The following CROCC variants were observed in gnomAD, a reference collection of about 807,000 sequenced individuals.
The protein encoded by CROCC is ciliary rootlet coiled-coil, rootletin.
In CROCC, 180 loss-of-function variants were observed where a neutral mutation model predicts 245.2. That is an observed-to-expected ratio of 0.73 (90% CI 0.65 to 0.83). The LOEUF (loss-of-function observed/expected upper bound fraction) is 0.83, where lower values mean the gene tolerates loss of function less well. Among genes scored for constraint, CROCC ranks in the 40% least tolerant of loss-of-function variants. The pLI is 0.00. For synonymous variants in CROCC, 1,205 were observed against 1,241.6 expected, an observed-to-expected ratio of 0.97 and a Z score of 0.62; for missense variants, 2,688 against 2,779.4, an observed-to-expected ratio of 0.97 and a Z score of 0.74.
intron 20 of CROCC, among the ~76,000 whole-genome samples, chr1:16,952,472 A>G (rs1045468889): frequency 7.3e-5 from 11 of 151,538 alleles, no homozygotes; most frequent in African/African-American, 2.4e-4. Context: ...GTGACAGAGC[A>G]AGACTCCGTC....
Position 16,955,517 on chromosome 1 carries a change from C to G in CROCC, c.3671C>G (p.Ser1224Cys), listed in dbSNP as rs1452039339. Residue 1224 changes from serine (S) to cysteine (C), a missense_variant, in exon 24 of 37, where the codon TCT becomes TGT. Physicochemically the swap from Ser to Cys is moderately radical, Grantham distance 112 (BLOSUM62 -1). Coordinates refer to ENST00000375541, the MANE Select transcript of CROCC (RefSeq NM_014675.5). Reference sequence around the variant, plus strand: ...CGGCGTTCCAATGAGGAGCTTCGGTCTGCTGTGAAGAAGGCAGAGAGCGAG... The same window carrying G: ...CGGCGTTCCAATGAGGAGCTTCGGTGTGCTGTGAAGAAGGCAGAGAGCGAG... ...ALRRSNEELR[S>C]AVKKAESERI... is the part of the protein sequence containing the mutation. The G allele has an allele frequency of 1.3e-6, 2 of 1,570,334 alleles. No homozygotes were observed. The highest frequency in any genetic ancestry group is 2.7e-5 in the African/African-American group (2 of 74,216).
At chr1:16,925,820 G>A (rs1481163584) in intron 3 of CROCC, among the ~76,000 whole-genome samples, 1 of 152,294 alleles carries the variant, frequency 6.6e-6, no homozygotes, top group African/African-American at 2.4e-5. Flanking sequence ...CTGGCATGAG[G>A]ACAGTGGAGA....
intron 3 of CROCC, 84 bp downstream of exon 3, chr1:16,924,563 G>T (rs1418921733): frequency 1.3e-6 from 2 of 1,515,730 alleles, no homozygotes; most frequent in Non-Finnish European, 1.8e-6. Context: ...CCACACACGG[G>T]GCAAAAGATG....
At chr1:16,948,637 GC>G (rs2100474615) in intron 18 of CROCC, 113 bp downstream of exon 18, 1 of 1,489,922 alleles carries the variant, frequency 6.7e-7, no homozygotes, top group East Asian at 2.3e-5. Flanking sequence ...AGTCTGGCTT[GC>G]CGACTCGTCC....
chr1:16,966,694 C>A lies in CROCC; in HGVS notation c.4860+123C>A, dbSNP rs1370252124. 7.0e-6 allele frequency: 8 copies of A among 1,141,066 alleles called. No homozygotes were observed. Among genetic ancestry groups the A allele is most frequent in the Non-Finnish European group, 9.5e-6 (8 of 846,394 alleles). 70.7% of individuals were successfully genotyped at this position (1,141,066 alleles called of 1,614,324 possible). The stretch of plus-strand genomic sequence containing the variant: ...GTCTCTCTGCAACCCACTGAGGTGA[C>A]CAGCCTGTGACTCTGTGAAACCATG... On this transcript the variant is annotated intron_variant, in intron 30 of 36. Transcript: ENST00000375541. This position sits in a 1 kb window ranked among gnomAD's most constrained non-coding sequence, Gnocchi z 4.8.
At position 16,969,919 on chromosome 1, in the gene CROCC, A is replaced by G; in HGVS notation, c.5436A>G (p.Leu1812=). Residue 1812 remains leucine (L), a synonymous_variant, in exon 33 of 37, where the codon CTA becomes CTG. Coordinates refer to ENST00000375541, the MANE Select transcript of CROCC (RefSeq NM_014675.5). ...ELQRVEAEGQ[L]QQLREVLRQR... ...AGCGGGTGGAGGCCGAGGGCCAGCT[A>G]CAACAGCTACGGGAGGTGAGGGCCA... is the stretch of plus-strand genomic sequence containing the variant. The G allele has an allele frequency of 1.9e-6, 3 of 1,599,514 alleles. No individual in the cohort carries two copies. The highest frequency in any genetic ancestry group is 2.6e-6 in the Non-Finnish European group (3 of 1,172,516).
rs1457965507 is a variant in CROCC at position 16,954,516 on chromosome 1, G to T, written c.3321+159G>T. On this transcript the variant is annotated intron_variant, in intron 22 of 36. Transcript: ENST00000375541. The surrounding 1 kb of genome is among the most constrained non-coding windows in gnomAD (Gnocchi z 4.4). ...TTTTGGGAGCCCCCATCTGAGGGAG[G>T]TGGCTCAGCCCTGCCCTGATGAATC... Among the ~76,000 whole-genome samples, 1 of 152,244 alleles carries T rather than the reference G, an allele frequency of 6.6e-6. No homozygotes were observed. The highest frequency in any genetic ancestry group is 1.5e-5 in the Non-Finnish European group (1 of 68,044).
intron 3 of CROCC, among the ~76,000 whole-genome samples, chr1:16,929,126 C>T (rs1303194900): frequency 1.3e-5 from 2 of 152,286 alleles, no homozygotes; most frequent in African/African-American, 4.8e-5. Flanking sequence ...TGCACCCAGC[C>T]AGAAGGGGGC....
At chr1:16,971,142 A>G (rs1414336709) in intron 35 of CROCC, among the ~76,000 whole-genome samples, 1 of 152,108 alleles carries the variant, frequency 6.6e-6, no homozygotes, top group African/African-American at 2.4e-5. Flanking sequence ...TTGCACATAC[A>G]CATGCACCTG....
intron 34 of CROCC, 46 bp from the exon 35 acceptor site, chr1:16,970,590 G>A: frequency 6.7e-7 from 1 of 1,496,018 alleles, no homozygotes; most frequent in African/African-American, 1.4e-5. Context: ...AGCCCCCTCA[G>A]TAAGCTCCTC....
chr1:16,920,805 G>A (rs1177856014), upstream of CROCC, among the ~76,000 whole-genome samples: 10 of 151,366 alleles, frequency 6.6e-5, no homozygotes, highest in East Asian at 1.9e-4. Flanking sequence ...GTGCAATGGC[G>A]CGATCTTGGC....
intron 8 of CROCC, among the ~76,000 whole-genome samples, chr1:16,931,811 A>G (rs1489746741): frequency 6.6e-6 from 1 of 151,976 alleles, no homozygotes; most frequent in Non-Finnish European, 1.5e-5. Context: ...GGCTGGAGTG[A>G]GGTGGCACGA....
At chr1:16,965,230 A>G (rs565145271) in intron 27 of CROCC, among the ~76,000 whole-genome samples, 1 of 152,324 alleles carries the variant, frequency 6.6e-6, no homozygotes, top group East Asian at 1.9e-4. Context: ...CACAGTGGGC[A>G]CTCAGTATGG....
chr1:16,968,871 G>A (rs993970013), intron 31 of CROCC, among the ~76,000 whole-genome samples: 6 of 152,318 alleles, frequency 3.9e-5, no homozygotes, highest in African/African-American at 1.4e-4. Context: ...AGGAGACCAG[G>A]GAGTCTGAGA....
Position 16,945,495 on chromosome 1 carries a change from C to G in CROCC, c.2025C>G (p.Arg675=). The G allele has an allele frequency of 6.2e-7, 1 of 1,611,366 alleles. No individual in the cohort carries two copies. The highest frequency in any genetic ancestry group is 8.5e-7 in the Non-Finnish European group (1 of 1,179,612). Residue 675 remains arginine (R), a synonymous_variant, in exon 15 of 37, where the codon CGC becomes CGG. Coordinates refer to ENST00000375541, the MANE Select transcript of CROCC (RefSeq NM_014675.5). ...HRQLEQLEGK[R]SVLAKELVEV... ...AACTAGAGCAGCTGGAAGGGAAGCG[C>G]TCAGTCCTGGCCAAGGAGCTGGTGG... is the stretch of plus-strand genomic sequence containing the variant.
At chr1:16,969,066 T>TA (rs942861376) in intron 31 of CROCC, 50 bp from the exon 32 acceptor site, 2 of 1,537,242 alleles carry the variant, frequency 1.3e-6, no homozygotes, top group African/African-American at 2.7e-5. Context: ...AGCAGAGGTA[T>TA]AGAGGCCAGA....
At chr1:16,958,960 T>C (rs943546357) in intron 26 of CROCC, among the ~76,000 whole-genome samples, 1 of 152,200 alleles carries the variant, frequency 6.6e-6, no homozygotes, top group Non-Finnish European at 1.5e-5. Flanking sequence ...GGAGAGGCCC[T>C]GTAGATACAA....
chr1:16,948,263 T>C, intron 17 of CROCC, 68 bp from the exon 18 acceptor site: 1 of 1,468,690 alleles, frequency 6.8e-7, no homozygotes. Context: ...GGCCCAGAGT[T>C]GGGGTGCTGC....
Position 16,970,743 on chromosome 1 carries a change from G to T in CROCC, c.5760G>T (p.Ala1920=), listed in dbSNP as rs41300130. The T allele has an allele frequency of 9.1e-5, 146 of 1,597,860 alleles. No individual in the cohort carries two copies. Among genetic ancestry groups the T allele is most frequent in the Non-Finnish European group, 1.2e-4 (137 of 1,173,796 alleles). ...GGGCTGAGCTGGAGCTGGCAGAGGC[G>T]CAGAGGCAGATCCAGCAGCTGGAGG... is the stretch of plus-strand genomic sequence containing the variant. ...LTGAELELAE[A]QRQIQQLEAQ... Residue 1920 remains alanine (A), a synonymous_variant, in exon 35 of 37, where the codon GCG becomes GCT. Transcript: ENST00000375541.
Sources: gnomAD v4.1 joint callset for allele counts (sites outside exome capture counted in the v4.1 genomes callset) on GRCh38, gnomAD v4.1.1 for gene constraint, Gnocchi (gnomAD v3.1) non-coding constraint, MANE v1.5 for transcripts, NCBI Gene and HGNC (gene_info 2026-07-23, HGNC 2026-07-21) for gene names.